The following TENM2 variants were observed in gnomAD, a reference collection of about 807,000 sequenced individuals.
TENM2 encodes the protein teneurin-2.
Under a neutral mutation model 245.2 loss-of-function variants are expected in TENM2, and 52 were observed. That is an observed-to-expected ratio of 0.21 (90% CI 0.17 to 0.27). The LOEUF (loss-of-function observed/expected upper bound fraction) is 0.27, where lower values mean the gene tolerates loss of function less well. TENM2 is among the 10% of genes least tolerant of loss of function. The probability of loss-of-function intolerance (pLI) is 1.00; values close to 1 mark genes in which losing one functional copy is unlikely to be tolerated. For synonymous variants in TENM2, 1,363 were observed against 1,438.9 expected (o/e 0.95, Z 1.19); for missense variants, 3,046 against 3,666.8 (o/e 0.83, Z 4.37).
rs1413919434 is a variant in TENM2, at chr5:167,920,351, G to GA, written c.713-32227dup. Among the ~76,000 whole-genome samples the GA allele has an allele frequency of 1.9e-4, 27 of 139,376 alleles. 1 individual carries two copies. Among genetic ancestry groups the GA allele is most frequent in the Middle Eastern group, 3.6e-3 (1 of 276 alleles). The allele number at this position is 139,376 out of a possible 152,430, so 91.4% of individuals were successfully genotyped here. ...TACTTAAAAAAAAAAGAAAAAAAAA[G>GA]AAAAAAAAAATCAAAAGTTAGCTGG... On this transcript the variant is annotated intron_variant, in intron 3 of 28. Coordinates refer to ENST00000518659, the Ensembl canonical transcript of TENM2.
intron 5 of TENM2, among the ~76,000 whole-genome samples, chr5:167,995,118 A>G (rs1245467459): frequency 6.6e-6 from 1 of 152,164 alleles, no homozygotes; most frequent in East Asian, 1.9e-4. Context: ...AAATTGAGGT[A>G]CTGCCTGCCT....
intron 5 of TENM2, among the ~76,000 whole-genome samples, chr5:168,046,556 A>G (rs966373919): frequency 2.0e-5 from 3 of 152,196 alleles, no homozygotes; most frequent in Non-Finnish European, 2.9e-5. Flanking sequence ...TGCTAAACTC[A>G]TGGTGGGGAG....
chr5:167,721,224 C>T (rs1290435521), intron 2 of TENM2: 1 of 151,718 alleles, frequency 6.6e-6, no homozygotes, highest in African/African-American at 2.4e-5. Context: ...CATTATTAAA[C>T]AGGTTTTAAA....
chr5:167,008,607 T>C, the TENM2 span, among the ~76,000 whole-genome samples: 1 of 152,176 alleles, frequency 6.6e-6, no homozygotes, highest in East Asian at 1.9e-4. Context: ...AGCAGTTTAT[T>C]TTTCATTTGG....
chr5:168,124,487 T>C (rs1201927302), intron 10 of TENM2, among the ~76,000 whole-genome samples: 1 of 152,222 alleles, frequency 6.6e-6, no homozygotes, highest in Non-Finnish European at 1.5e-5. Flanking sequence ...ATATTCACAT[T>C]CCTATCGCAG....
chr5:167,559,940 G>A (rs1013838400), intron 2 of TENM2, among the ~76,000 whole-genome samples: 1 of 152,158 alleles, frequency 6.6e-6, no homozygotes, highest in African/African-American at 2.4e-5. Flanking sequence ...GTGCAGGGCT[G>A]ACAGACAAGG....
chr5:168,073,749 T>TA (rs1274525868), intron 7 of TENM2, among the ~76,000 whole-genome samples: 5 of 152,226 alleles, frequency 3.3e-5, no homozygotes, highest in Non-Finnish European at 7.3e-5. Flanking sequence ...GATCGAGACT[T>TA]ACGGTTTCTA....
At chr5:167,166,256 A>C in the TENM2 span, among the ~76,000 whole-genome samples, 2 of 152,306 alleles carry the variant, frequency 1.3e-5, no homozygotes, top group African/African-American at 4.8e-5. Context: ...ACACACACAC[A>C]AACTTCCAGG....
intron 2 of TENM2, among the ~76,000 whole-genome samples, chr5:167,402,023 C>CT (rs1271092260): frequency 1.3e-5 from 2 of 152,048 alleles, no homozygotes; most frequent in Non-Finnish European, 2.9e-5. Context: ...AGTGCTACAG[C>CT]TTTTTTAACA....
At chr5:167,597,300 G>A (rs913589351) in intron 2 of TENM2, among the ~76,000 whole-genome samples, 1 of 151,692 alleles carries the variant, frequency 6.6e-6, no homozygotes, top group African/African-American at 2.4e-5. Flanking sequence ...GAGTAGCTGG[G>A]ACTACAAGGC....
At chr5:168,068,845 T>TG (rs1790733876) in intron 7 of TENM2, among the ~76,000 whole-genome samples, 1 of 150,480 alleles carries the variant, frequency 6.6e-6, no homozygotes, top group East Asian at 2.0e-4. Flanking sequence ...CTCTGTGTGT[T>TG]TGTGTGTGTG....
chr5:168,202,612 G>A (rs945661203), intron 17 of TENM2, among the ~76,000 whole-genome samples: 5 of 151,366 alleles, frequency 3.3e-5, no homozygotes, highest in Non-Finnish European at 7.4e-5. Context: ...AATATATCAA[G>A]GCCACAAGCC....
the TENM2 span, among the ~76,000 whole-genome samples, chr5:167,079,400 G>A: frequency 9.3e-5 from 14 of 150,400 alleles, 1 homozygote; most frequent in South Asian, 6.3e-4. Context: ...TGCAACCTCC[G>A]CCTCCCAGGT....
chr5:167,025,368 T>G, the TENM2 span, among the ~76,000 whole-genome samples: 1 of 152,120 alleles, frequency 6.6e-6, no homozygotes, highest in Non-Finnish European at 1.5e-5. Flanking sequence ...ACATTTGGAG[T>G]GTACAAAATT....
At chr5:167,618,799 CATTT>C (rs1196146804) in intron 2 of TENM2, among the ~76,000 whole-genome samples, 2 of 152,230 alleles carry the variant, frequency 1.3e-5, no homozygotes, top group East Asian at 3.9e-4. Flanking sequence ...CACCGATGTT[CATTT>C]GAGTACCATT....
intron 2 of TENM2, among the ~76,000 whole-genome samples, chr5:167,652,280 G>T (rs1754524081): frequency 6.6e-6 from 1 of 152,122 alleles, no homozygotes; most frequent in Non-Finnish European, 1.5e-5. Flanking sequence ...TTATGCCTTT[G>T]TTTAAAAACT....
chr5:167,484,423 G>A (rs1582173241), intron 2 of TENM2, among the ~76,000 whole-genome samples: 2 of 152,216 alleles, frequency 1.3e-5, no homozygotes, highest in African/African-American at 2.4e-5. Context: ...GAAGGACAAT[G>A]TGACGAGATC....
intron 5 of TENM2, among the ~76,000 whole-genome samples, chr5:168,028,226 G>A (rs1786796949): frequency 6.6e-6 from 1 of 152,170 alleles, no homozygotes; most frequent in Non-Finnish European, 1.5e-5. Flanking sequence ...GGCAAGAGTA[G>A]AATCACAATT....
intron 9 of TENM2, among the ~76,000 whole-genome samples, chr5:168,100,079 A>T (rs777191163): frequency 3.2e-4 from 49 of 152,196 alleles, no homozygotes; most frequent in Non-Finnish European, 5.7e-4. Context: ...TTGATTTTGT[A>T]TCCTGAGACT....
Sources: allele counts gnomAD v4.1 joint callset (sites outside exome capture counted in the v4.1 genomes callset), GRCh38; gene constraint gnomAD v4.1.1; transcripts MANE v1.5; gene names NCBI Gene and HGNC (gene_info 2026-07-23, HGNC 2026-07-21).